CSTPP1: variants seen among roughly 807,000 people sequenced by gnomAD.
CSTPP1 encodes the protein centriolar satellite-associated tubulin polyglutamylase complex regulator 1, also known as UPF0705 protein C11orf49.
the CSTPP1 span, among the ~76,000 whole-genome samples, chr11:46,956,209 G>C: frequency 6.6e-6 from 1 of 152,108 alleles, no homozygotes; most frequent in Non-Finnish European, 1.5e-5. Context: ...TTTTAGGACA[G>C]AAGATCTGGT....
chr11:47,114,435 G>C, the CSTPP1 span, among the ~76,000 whole-genome samples: 4 of 152,166 alleles, frequency 2.6e-5, no homozygotes, highest in Admixed American at 2.0e-4. Context: ...AAATTACTTT[G>C]GGCAGTATCA....
chr11:46,998,793 T>G, the CSTPP1 span, among the ~76,000 whole-genome samples: 1 of 152,158 alleles, frequency 6.6e-6, no homozygotes, highest in African/African-American at 2.4e-5. Context: ...TGGGGTGCAG[T>G]GGCGCGATCT....
the CSTPP1 span, among the ~76,000 whole-genome samples, chr11:47,152,107 G>T: frequency 6.6e-6 from 1 of 151,906 alleles, no homozygotes; most frequent in African/African-American, 2.4e-5. Context: ...AAAATTAGCC[G>T]GGCATGGTGA....
At chr11:47,008,166 C>T in the CSTPP1 span, among the ~76,000 whole-genome samples, 7 of 152,144 alleles carry the variant, frequency 4.6e-5, no homozygotes, top group African/African-American at 1.2e-4. Flanking sequence ...GGGGTTTCAC[C>T]GTGCTGGCCA....
the CSTPP1 span, among the ~76,000 whole-genome samples, chr11:47,117,345 C>T: frequency 3.3e-5 from 5 of 152,266 alleles, no homozygotes; most frequent in East Asian, 9.6e-4. Flanking sequence ...GACAAAATCT[C>T]TCAGCATTTG....
At chr11:46,998,226 G>C in the CSTPP1 span, among the ~76,000 whole-genome samples, 118,542 of 152,098 alleles carry the variant, frequency 0.78, 47,228 homozygotes, top group African/African-American at 0.91. Context: ...GCTCTATATT[G>C]TGCCATTTTA....
At chr11:46,948,548 T>G in the CSTPP1 span, among the ~76,000 whole-genome samples, 1 of 152,170 alleles carries the variant, frequency 6.6e-6, no homozygotes, top group Non-Finnish European at 1.5e-5. Flanking sequence ...TCACCTCTTT[T>G]GGACTTAATG....
chr11:46,960,164 G>A, the CSTPP1 span, among the ~76,000 whole-genome samples: 1 of 152,128 alleles, frequency 6.6e-6, no homozygotes, highest in Admixed American at 6.5e-5. Context: ...ACTGCACTGG[G>A]CCTAAATAAT....
chr11:46,956,889 C>T, the CSTPP1 span, among the ~76,000 whole-genome samples: 4 of 151,156 alleles, frequency 2.6e-5, no homozygotes, highest in Admixed American at 2.6e-4. Flanking sequence ...GAAAATTATA[C>T]ATATGTATGC....
chr11:47,069,382 A>T, the CSTPP1 span, among the ~76,000 whole-genome samples: 1 of 152,222 alleles, frequency 6.6e-6, no homozygotes, highest in East Asian at 1.9e-4. Context: ...AGATGAATGT[A>T]TGATTTTGTA....
the CSTPP1 span, chr11:47,052,122 G>A: frequency 2.3e-5 from 6 of 262,184 alleles, no homozygotes; most frequent in African/African-American, 1.1e-4. Flanking sequence ...TGCGTTGCTC[G>A]AATGACTGAT....
At chr11:47,047,590 A>G in the CSTPP1 span, among the ~76,000 whole-genome samples, 1 of 152,252 alleles carries the variant, frequency 6.6e-6, no homozygotes, top group Non-Finnish European at 1.5e-5. Context: ...GACAGTTTTC[A>G]TAACATTAAA....
chr11:47,036,600 G>A, the CSTPP1 span, among the ~76,000 whole-genome samples: 3 of 125,900 alleles, frequency 2.4e-5, 1 homozygote, highest in African/African-American at 7.5e-5. Context: ...GATATGGAAA[G>A]GGAAGATGAT....
At chr11:46,959,641 T>C in the CSTPP1 span, among the ~76,000 whole-genome samples, 97 of 152,312 alleles carry the variant, frequency 6.4e-4, no homozygotes, top group East Asian at 0.018. Context: ...CTTTCTGATG[T>C]TGTATAAGAG....
the CSTPP1 span, among the ~76,000 whole-genome samples, chr11:47,047,652 A>G: frequency 6.6e-6 from 1 of 152,258 alleles, no homozygotes; most frequent in Admixed American, 6.5e-5. Flanking sequence ...AACAAAAAAT[A>G]TAGATAAATT....
the CSTPP1 span, among the ~76,000 whole-genome samples, chr11:46,937,647 G>A: frequency 6.6e-6 from 1 of 152,098 alleles, no homozygotes; most frequent in East Asian, 1.9e-4. Flanking sequence ...TTGGCTCACT[G>A]CAAGCTCCGC....
At chr11:46,962,573 G>T in the CSTPP1 span, among the ~76,000 whole-genome samples, 18 of 152,254 alleles carry the variant, frequency 1.2e-4, no homozygotes, top group African/African-American at 4.3e-4. Flanking sequence ...AACATGGAGT[G>T]TCTTTCCTAT....
chr11:47,130,250 T>G, the CSTPP1 span, among the ~76,000 whole-genome samples: 3 of 149,656 alleles, frequency 2.0e-5, no homozygotes, highest in Admixed American at 6.6e-5. Context: ...AGCAAGACTC[T>G]GTCTCAAAAA....
chr11:47,086,025 T>G, the CSTPP1 span, among the ~76,000 whole-genome samples: 1 of 151,764 alleles, frequency 6.6e-6, no homozygotes, highest in Non-Finnish European at 1.5e-5. Flanking sequence ...AAGGAACTAA[T>G]ATTCAGGAGG....
Sources: gnomAD v4.1 joint callset for allele counts (sites outside exome capture counted in the v4.1 genomes callset) on GRCh38, gnomAD v4.1.1 for gene constraint, MANE v1.5 for transcripts, NCBI Gene and HGNC (gene_info 2026-07-23, HGNC 2026-07-21) for gene names.